RSRC1: variants seen among roughly 807,000 people sequenced by gnomAD.
RSRC1 encodes serine/Arginine-related protein 53.
In RSRC1, 39 loss-of-function variants were observed where a neutral mutation model predicts 49.1. The observed-to-expected ratio is 0.79, with a 90% CI of 0.61 to 1.04. The LOEUF is 1.04. RSRC1 is among the 50% of genes least tolerant of loss of function. RSRC1 has a pLI of 0.00. For missense variants in RSRC1, 388 were observed against 402.4 expected, an observed-to-expected ratio of 0.96 and a Z score of 0.31; for synonymous variants, 143 against 130.8, an observed-to-expected ratio of 1.09 and a Z score of -0.63.
chr3:158,393,079 A>T (rs970051807), intron 6 of RSRC1, among the ~76,000 whole-genome samples: 2 of 152,080 alleles, frequency 1.3e-5, no homozygotes, highest in African/African-American at 4.8e-5. Context: ...TGTATAAACA[A>T]TGAAATTAAG....
At chr3:158,513,680 C>T (rs1740319260) in intron 7 of RSRC1, among the ~76,000 whole-genome samples, 1 of 152,196 alleles carries the variant, frequency 6.6e-6, no homozygotes, top group Non-Finnish European at 1.5e-5. Flanking sequence ...GGAATAGTTT[C>T]AGAAGGAATG....
chr3:158,468,877 C>T (rs931174897), intron 7 of RSRC1, among the ~76,000 whole-genome samples: 2 of 152,064 alleles, frequency 1.3e-5, no homozygotes, highest in African/African-American at 4.8e-5. Flanking sequence ...CAAGGCTAAA[C>T]AGTGGATAAA....
At chr3:158,168,312 A>C (rs1285785181) in intron 3 of RSRC1, among the ~76,000 whole-genome samples, 1 of 152,212 alleles carries the variant, frequency 6.6e-6, no homozygotes, top group East Asian at 1.9e-4. Flanking sequence ...AGAATTAGTC[A>C]TACCCACTGA....
At chr3:158,183,000 T>G (rs1730028) in intron 3 of RSRC1, among the ~76,000 whole-genome samples, 59,078 of 151,908 alleles carry the variant, frequency 0.39, 12,369 homozygotes, top group East Asian at 0.64. Context: ...ATAGATAATT[T>G]TAAATTTTAT....
chr3:158,513,679 T>A (rs1740319087), intron 7 of RSRC1, among the ~76,000 whole-genome samples: 1 of 152,230 alleles, frequency 6.6e-6, no homozygotes, highest in African/African-American at 2.4e-5. Flanking sequence ...TGGAATAGTT[T>A]CAGAAGGAAT....
intron 4 of RSRC1, among the ~76,000 whole-genome samples, chr3:158,226,170 A>G (rs1338783010): frequency 6.6e-6 from 1 of 151,822 alleles, no homozygotes; most frequent in African/African-American, 2.4e-5. Context: ...GGTGAAAAAA[A>G]CTCTTAGAAA....
chr3:158,211,509 C>T (rs1721673551), intron 4 of RSRC1, among the ~76,000 whole-genome samples: 1 of 151,908 alleles, frequency 6.6e-6, no homozygotes, highest in South Asian at 2.1e-4. Flanking sequence ...AAATCAATTA[C>T]ACCTCCACTG....
intron 6 of RSRC1, among the ~76,000 whole-genome samples, chr3:158,442,535 C>T (rs1736439351): frequency 1.3e-5 from 2 of 152,178 alleles, no homozygotes; most frequent in South Asian, 2.1e-4. Flanking sequence ...AGTTCTCTTG[C>T]TATTTTTACC....
Position 158,125,767 on chromosome 3 carries a change from T to G in RSRC1, c.320+1776T>G, listed in dbSNP as rs764591408. Among the ~76,000 whole-genome samples, 105 of 152,278 alleles carry G rather than the reference T, an allele frequency of 6.9e-4. 1 individual carries two copies. The highest frequency in any genetic ancestry group is 3.9e-4 in the Admixed American group (6 of 15,280). On this transcript the variant is annotated intron_variant, in intron 3 of 9. Coordinates refer to ENST00000611884, the MANE Select transcript of RSRC1 (RefSeq NM_001271838.2). Reference sequence around the variant, plus strand: ...CTGTAGTGTTGTTCAGGTCCTCTTATGTCTTATTTTTCTGTCCATTATTGA... The same window carrying G: ...CTGTAGTGTTGTTCAGGTCCTCTTAGGTCTTATTTTTCTGTCCATTATTGA...
At chr3:158,311,393 A>G (rs998715186) in intron 5 of RSRC1, among the ~76,000 whole-genome samples, 1 of 152,092 alleles carries the variant, frequency 6.6e-6, no homozygotes, top group African/African-American at 2.4e-5. Flanking sequence ...TTTATTATGA[A>G]TAGATGTATA....
At chr3:158,456,217 T>G (rs1737308219) in intron 6 of RSRC1, among the ~76,000 whole-genome samples, 3 of 151,914 alleles carry the variant, frequency 2.0e-5, no homozygotes, top group Non-Finnish European at 2.9e-5. Flanking sequence ...TTGCAGAATT[T>G]AGAGACCAGA....
intron 6 of RSRC1, among the ~76,000 whole-genome samples, chr3:158,360,578 T>G (rs183715914): frequency 6.6e-6 from 1 of 152,134 alleles, no homozygotes; most frequent in Non-Finnish European, 1.5e-5. Context: ...AGCCGTAACT[T>G]GTGTTTGTTA....
At chr3:158,196,539 T>A (rs1424544421) in intron 3 of RSRC1, among the ~76,000 whole-genome samples, 32 of 152,152 alleles carry the variant, frequency 2.1e-4, no homozygotes, top group Admixed American at 2.1e-3. Flanking sequence ...AACACTATGT[T>A]GAATAGGAGT....
intron 7 of RSRC1, among the ~76,000 whole-genome samples, chr3:158,511,499 C>T (rs1309765412): frequency 1.3e-5 from 2 of 152,192 alleles, no homozygotes; most frequent in African/African-American, 2.4e-5. Context: ...ATATGTGCCA[C>T]ATTTTCTTAC....
At chr3:158,162,278 A>T (rs527650664) in intron 3 of RSRC1, among the ~76,000 whole-genome samples, 2 of 152,194 alleles carry the variant, frequency 1.3e-5, no homozygotes, top group Non-Finnish European at 2.9e-5. Flanking sequence ...AATGACATCA[A>T]CTGACGCTGT....
At chr3:158,210,758 G>GAACATAATAT (rs1721629135) in intron 4 of RSRC1, among the ~76,000 whole-genome samples, 1 of 151,932 alleles carries the variant, frequency 6.6e-6, no homozygotes, top group Non-Finnish European at 1.5e-5. Flanking sequence ...TCAAGAAAGG[G>GAACATAATAT]AACATAATAT....
chr3:158,363,557 G>T (rs1359064148), intron 6 of RSRC1, among the ~76,000 whole-genome samples: 2 of 152,162 alleles, frequency 1.3e-5, no homozygotes, highest in African/African-American at 4.8e-5. Context: ...GAGCCACCAT[G>T]CCCAGCCCTC....
intron 4 of RSRC1, among the ~76,000 whole-genome samples, chr3:158,282,832 G>A (rs892059776): frequency 2.0e-5 from 3 of 152,160 alleles, no homozygotes; most frequent in Non-Finnish European, 4.4e-5. Flanking sequence ...AAAATTGTTA[G>A]CCAGGTAAGG....
intron 4 of RSRC1, among the ~76,000 whole-genome samples, chr3:158,243,576 G>A (rs1723716789): frequency 6.6e-6 from 1 of 152,130 alleles, no homozygotes; most frequent in Non-Finnish European, 1.5e-5. Context: ...TTCTAATTCT[G>A]TGATGAATGT....
Sources: gnomAD v4.1 joint callset for allele counts (sites outside exome capture counted in the v4.1 genomes callset) on GRCh38, gnomAD v4.1.1 for gene constraint, MANE v1.5 for transcripts, NCBI Gene and HGNC (gene_info 2026-07-23, HGNC 2026-07-21) for gene names.